The following LRP1B variants were observed in gnomAD, a reference collection of about 807,000 sequenced individuals.
LRP1B encodes the protein LDL receptor related protein 1B.
A neutral mutation model predicts 556.6 loss-of-function variants in LRP1B; 217 were observed. That is an observed-to-expected ratio of 0.39 (90% CI 0.35 to 0.44). The LOEUF (loss-of-function observed/expected upper bound fraction) is 0.44, where lower values mean the gene tolerates loss of function less well. Ranked by LOEUF, LRP1B falls within the 20% of genes least tolerant of loss-of-function variation. LRP1B has a pLI of 1.00. For missense variants in LRP1B, 5,053 were observed against 5,620.8 expected (o/e 0.90, Z 3.23); for synonymous variants, 2,047 against 1,865.8 (o/e 1.10, Z -2.50).
At chr2:141,081,608 A>G (rs976246713) in intron 7 of LRP1B, among the ~76,000 whole-genome samples, 1 of 152,232 alleles carries the variant, frequency 6.6e-6, no homozygotes, top group Admixed American at 6.5e-5. Flanking sequence ...ACTTGCCTCA[A>G]AAAGATTGAT....
intron 20 of LRP1B, among the ~76,000 whole-genome samples, chr2:140,925,838 A>G (rs529108112): frequency 1.3e-5 from 2 of 152,226 alleles, no homozygotes; most frequent in South Asian, 4.1e-4. Context: ...ATGGGGCCAA[A>G]CTCAATTACA....
chr2:140,700,665 T>G (rs768381884), intron 40 of LRP1B, 44 bp from the exon 41 acceptor site: 14 of 1,577,280 alleles, frequency 8.9e-6, no homozygotes, highest in Non-Finnish European at 1.1e-5. Context: ...TTTATGTTTT[T>G]CTTTTGTTTT....
At chr2:140,717,987 G>C (rs1236130827) in intron 35 of LRP1B, among the ~76,000 whole-genome samples, 1 of 151,926 alleles carries the variant, frequency 6.6e-6, no homozygotes, top group South Asian at 2.1e-4. Flanking sequence ...TTCTCATTTG[G>C]TAAAAACATC....
chr2:140,245,857 T>TCACC (rs1288138113), intron 87 of LRP1B, among the ~76,000 whole-genome samples: 1 of 151,412 alleles, frequency 6.6e-6, no homozygotes, highest in African/African-American at 2.4e-5. Flanking sequence ...CCCTATGGCC[T>TCACC]CACCCTTCCC....
chr2:140,550,313 T>C (rs568918800), intron 43 of LRP1B, among the ~76,000 whole-genome samples: 1 of 152,200 alleles, frequency 6.6e-6, no homozygotes, highest in Admixed American at 6.6e-5. Context: ...TGTCTTTTCC[T>C]CCTAGGGGAA....
intron 7 of LRP1B, among the ~76,000 whole-genome samples, chr2:141,161,685 A>T (rs540646794): frequency 6.6e-6 from 1 of 152,134 alleles, no homozygotes; most frequent in African/African-American, 2.4e-5. Flanking sequence ...AGGCAGATTT[A>T]TTGTCCAACC....
At chr2:141,948,893 A>T (rs1701029748) in intron 1 of LRP1B, among the ~76,000 whole-genome samples, 1 of 152,152 alleles carries the variant, frequency 6.6e-6, no homozygotes, top group Non-Finnish European at 1.5e-5. Flanking sequence ...CTACACAAAA[A>T]ATTTAAAAGA....
At chr2:141,345,747 C>T (rs1168617511) in intron 3 of LRP1B, among the ~76,000 whole-genome samples, 1 of 151,228 alleles carries the variant, frequency 6.6e-6, no homozygotes, top group African/African-American at 2.4e-5. Flanking sequence ...TCAAGTGATC[C>T]TCTCACCTTG....
At chr2:140,606,380 A>T (rs1402964200) in intron 41 of LRP1B, among the ~76,000 whole-genome samples, 1 of 152,064 alleles carries the variant, frequency 6.6e-6, no homozygotes, top group African/African-American at 2.4e-5. Flanking sequence ...GGATTTTAAA[A>T]AATGGAAAGA....
At chr2:140,653,257 G>T (rs1329070868) in intron 41 of LRP1B, among the ~76,000 whole-genome samples, 1 of 151,984 alleles carries the variant, frequency 6.6e-6, no homozygotes, top group African/African-American at 2.4e-5. Flanking sequence ...AAGATAAAAA[G>T]ATAGGAAATA....
At chr2:141,003,580 T>C (rs1476404745) in intron 15 of LRP1B, among the ~76,000 whole-genome samples, 2 of 152,040 alleles carry the variant, frequency 1.3e-5, no homozygotes, top group East Asian at 1.9e-4. Flanking sequence ...GGGATTTCCC[T>C]GCACAAGCTC....
intron 11 of LRP1B, among the ~76,000 whole-genome samples, chr2:141,040,515 A>G (rs1265281775): frequency 6.6e-6 from 1 of 152,006 alleles, no homozygotes; most frequent in Non-Finnish European, 1.5e-5. Flanking sequence ...TCAGGTACAG[A>G]TTACATCCTG....
chr2:141,530,879 A>T (rs151294134), intron 2 of LRP1B, among the ~76,000 whole-genome samples: 369 of 151,610 alleles, frequency 2.4e-3, no homozygotes, highest in Non-Finnish European at 4.5e-3. Context: ...CACAGGAAAT[A>T]AAGGGGAGAA....
chr2:141,152,873 TA>T lies in LRP1B; in HGVS notation c.1013+35547del, dbSNP rs762328475. On this transcript the variant is annotated intron_variant, in intron 7 of 90. Coordinates refer to ENST00000389484, the MANE Select transcript of LRP1B (RefSeq NM_018557.3). ...CCTACACTTTCCAAAATTTTATTAT[TA>T]TTTTTAGTATTGTCCTTGTCATATT... Among the ~76,000 whole-genome samples the T allele has an allele frequency of 3.0e-4, 45 of 151,676 alleles. No individual in the cohort carries two copies. In the East Asian group the frequency reaches 4.1e-3, roughly 14 times the overall value.
chr2:141,627,859 G>A (rs1362623515), intron 2 of LRP1B, among the ~76,000 whole-genome samples: 1 of 152,188 alleles, frequency 6.6e-6, no homozygotes, highest in Non-Finnish European at 1.5e-5. Context: ...GTTGATAGTA[G>A]GGGAGGCTGT....
intron 6 of LRP1B, among the ~76,000 whole-genome samples, chr2:141,228,688 G>A (rs1683348070): frequency 6.6e-6 from 1 of 152,072 alleles, no homozygotes; most frequent in African/African-American, 2.4e-5. Flanking sequence ...GACATGAGAA[G>A]TCAGAGTGAA....
chr2:141,152,196 C>G (rs918654744), intron 7 of LRP1B, among the ~76,000 whole-genome samples: 7 of 151,748 alleles, frequency 4.6e-5, no homozygotes, highest in African/African-American at 1.7e-4. Context: ...ACTAGCCATG[C>G]AAACTATTTG....
Position 141,342,102 on chromosome 2 carries a change from G to A in LRP1B, c.344-87461C>T, listed in dbSNP as rs538312726. Among the ~76,000 whole-genome samples, 15 of 151,678 alleles carry A rather than the reference G, an allele frequency of 9.9e-5. No individual in the cohort carries two copies. The South Asian group carries it at 2.9e-3, about 30-fold the overall frequency. On this transcript the variant is annotated intron_variant, in intron 3 of 90. Transcript: ENST00000389484. ...CACTAAAAATACAAAAAATTAGCCA[G>A]GAGTGGTGGTGGGCGCCTGTAGTCC...
At chr2:140,701,982 G>T in intron 39 of LRP1B, 137 bp from the exon 40 acceptor site, 3 of 1,302,248 alleles carry the variant, frequency 2.3e-6, no homozygotes, top group Non-Finnish European at 3.2e-6. Flanking sequence ...AAATGCTTCA[G>T]CTTGGAATAG....
Sources: allele counts gnomAD v4.1 joint callset (sites outside exome capture counted in the v4.1 genomes callset), GRCh38; gene constraint gnomAD v4.1.1; transcripts MANE v1.5; gene names NCBI Gene and HGNC (gene_info 2026-07-23, HGNC 2026-07-21).